Variants in MARK3 observed in about 807,000 individuals in gnomAD.
MARK3 encodes microtubule affinity regulating kinase 3.
MARK3 carries 46 observed loss-of-function variants against 90.1 expected under a neutral mutation model. That is an observed-to-expected ratio of 0.51 (90% CI 0.40 to 0.65). The LOEUF (loss-of-function observed/expected upper bound fraction) is 0.65. MARK3 is among the 30% of genes least tolerant of loss of function. The pLI, the probability that MARK3 is intolerant of heterozygous loss-of-function variation, is 0.00. For missense variants in MARK3, 818 were observed against 947.2 expected (o/e 0.86, Z 1.79); for synonymous variants, 321 against 332.6 (o/e 0.97, Z 0.38).
At chr14:103,479,253 A>T (rs115032457) in intron 13 of MARK3, among the ~76,000 whole-genome samples, 19 of 152,010 alleles carry the variant, frequency 1.2e-4, no homozygotes, top group African/African-American at 4.6e-4. Context: ...GGCTGGTCTC[A>T]AACTCCTAGG....
At chr14:103,426,336 C>T (rs186747039) in intron 2 of MARK3, among the ~76,000 whole-genome samples, 3 of 149,872 alleles carry the variant, frequency 2.0e-5, no homozygotes. Context: ...TTCGTTGATA[C>T]AACCCACATT....
Position 103,503,445 on chromosome 14 carries a change from G to T in MARK3, c.*218G>T. The T allele has an allele frequency of 1.8e-6, 1 of 552,108 alleles. No individual in the cohort carries two copies. The allele number at this position is 552,108 out of a possible 1,614,324, so 34.2% of individuals were successfully genotyped here. On this transcript the variant is annotated 3_prime_UTR_variant, in exon 18 of 18. Coordinates refer to ENST00000429436, the MANE Select transcript of MARK3 (RefSeq NM_001128918.3). ...CCTATGCGCCCCCTGCCCTACTTCC[G>T]TTACCCTGAGAGTCGGTGTGTGGCC...
At chr14:103,450,916 G>A (rs1469817964) in intron 4 of MARK3, among the ~76,000 whole-genome samples, 6 of 58,164 alleles carry the variant, frequency 1.0e-4, no homozygotes, top group Middle Eastern at 0.014. Flanking sequence ...GTGTGTGTGT[G>A]TATTCTTTTT....
chr14:103,503,360 C>T lies in MARK3; in HGVS notation c.*133C>T. On this transcript the variant is annotated 3_prime_UTR_variant, in exon 18 of 18. Transcript: ENST00000429436. ...TGAAATTAAAGTCTGAGGACGAGAGCACGCCTGGGAGCGAAAGCTGGCCTT... is the reference window on the plus strand; with the variant it reads ...TGAAATTAAAGTCTGAGGACGAGAGTACGCCTGGGAGCGAAAGCTGGCCTT... 1.1e-6 allele frequency: 1 copy of T among 870,608 alleles called. No individual in the cohort carries two copies. The highest frequency in any genetic ancestry group is 1.7e-6 in the Non-Finnish European group (1 of 581,528). 53.9% of individuals were successfully genotyped at this position (870,608 alleles called of 1,614,324 possible).
At chr14:103,419,089 C>A (rs1317468496) in intron 2 of MARK3, among the ~76,000 whole-genome samples, 1 of 152,106 alleles carries the variant, frequency 6.6e-6, no homozygotes, top group Non-Finnish European at 1.5e-5. Context: ...GAGATCGAGA[C>A]CATCCTGGCT....
intron 15 of MARK3, among the ~76,000 whole-genome samples, chr14:103,493,155 G>A (rs773036190): frequency 6.8e-5 from 10 of 147,514 alleles, no homozygotes; most frequent in African/African-American, 2.2e-4. Flanking sequence ...ATGTAATCTT[G>A]TATTCGATCA....
chr14:103,454,240 A>G (rs1254477381), intron 5 of MARK3, among the ~76,000 whole-genome samples: 1 of 150,838 alleles, frequency 6.6e-6, no homozygotes, highest in Admixed American at 6.6e-5. Flanking sequence ...GTGGTTCTGT[A>G]TTACCTTGGG....
chr14:103,497,433 T>C (rs528735711), intron 15 of MARK3, among the ~76,000 whole-genome samples: 1 of 152,374 alleles, frequency 6.6e-6, no homozygotes, highest in Non-Finnish European at 1.5e-5. Flanking sequence ...CCAGGGAAGC[T>C]GATCGCATTG....
chr14:103,440,250 G>A (rs1488383830), intron 3 of MARK3, among the ~76,000 whole-genome samples: 1 of 152,062 alleles, frequency 6.6e-6, no homozygotes, highest in Non-Finnish European at 1.5e-5. Context: ...TTTTTGTATT[G>A]CAAACATGAC....
rs774626139 is a variant in MARK3 at position 103,466,048 on chromosome 14, A to G, written c.854A>G (p.Lys285Arg). The G allele has an allele frequency of 3.1e-6, 5 of 1,613,920 alleles. No homozygotes were observed. The African/African-American group carries it at 5.3e-5, about 17-fold the overall frequency. ...YMSTDCENLLKRFLVLNPIKR... is the reference protein window; with the variant it reads ...YMSTDCENLLRRFLVLNPIKR... ...TCTACAGACTGTGAAAACCTTCTCA[A>G]ACGTTTCCTGGTGCTAAATCCAATT... is the stretch of plus-strand genomic sequence containing the variant. The change falls in exon 9 of 18, where the codon AAA becomes AGA. Residue 285 changes from lysine (K) to arginine (R), a missense_variant. Lys to Arg is a conservative substitution (Grantham distance 26). This residue lies in a region of MARK3 where 560 missense variants were observed against 613.5 expected (regional missense o/e 0.91). Transcript: ENST00000429436.
intron 3 of MARK3, among the ~76,000 whole-genome samples, chr14:103,437,246 A>G (rs574240305): frequency 1.3e-5 from 2 of 152,208 alleles, no homozygotes; most frequent in East Asian, 1.9e-4. Flanking sequence ...TGTTTTGGCA[A>G]TAAATAATAC....
At chr14:103,442,942 T>TCC (rs768977846) in intron 3 of MARK3, among the ~76,000 whole-genome samples, 2,599 of 102,344 alleles carry the variant, frequency 0.025, 245 homozygotes, top group African/African-American at 0.079. Context: ...TTGGTGGGTG[T>TCC]CCCCCCCCCT....
chr14:103,501,141 T>C (rs1388392882), intron 17 of MARK3, among the ~76,000 whole-genome samples: 1 of 152,226 alleles, frequency 6.6e-6, no homozygotes, highest in Non-Finnish European at 1.5e-5. Context: ...AATTAAAACC[T>C]TCAGTGACCT....
chr14:103,407,983 C>T (rs538320144), intron 2 of MARK3, among the ~76,000 whole-genome samples: 2 of 152,222 alleles, frequency 1.3e-5, no homozygotes, highest in South Asian at 2.1e-4. Context: ...TTTCCCCAGG[C>T]ATGGGATTCC....
chr14:103,464,801 G>T (rs1483573678), intron 7 of MARK3, among the ~76,000 whole-genome samples: 1 of 149,416 alleles, frequency 6.7e-6, no homozygotes, highest in Non-Finnish European at 1.5e-5. Context: ...GGCTTAAGAG[G>T]TCCTCCTACC....
At chr14:103,443,837 T>A (rs544014820) in intron 3 of MARK3, among the ~76,000 whole-genome samples, 13 of 152,278 alleles carry the variant, frequency 8.5e-5, no homozygotes, top group Non-Finnish European at 1.5e-4. Context: ...CCTCTCTGTC[T>A]TGGTTTGTCT....
At position 103,452,143 on chromosome 14, in the gene MARK3, A is replaced by G. The variant is rs2093162302; in HGVS notation, c.412+160A>G. The stretch of plus-strand genomic sequence containing the variant: ...GGAAAAGCTGACTCTTAGCACTTCT[A>G]GGGGTTGCCATGAAGTGTTTCACTA... On this transcript the variant is annotated intron_variant, in intron 5 of 17. Transcript: ENST00000429436. The G allele has an allele frequency of 1.7e-5, 9 of 535,960 alleles. No individual in the cohort carries two copies. In the South Asian group the frequency reaches 2.2e-4, roughly 13 times the overall value. 33.2% of individuals were successfully genotyped at this position (535,960 alleles called of 1,614,324 possible).
At chr14:103,389,528 C>CAAAAAAAAAAAAAAAAAAAAAA (rs67737305) in intron 1 of MARK3, among the ~76,000 whole-genome samples, 1 of 49,854 alleles carries the variant, frequency 2.0e-5, no homozygotes, top group Non-Finnish European at 3.4e-5. Flanking sequence ...ACTCTGTCTC[C>CAAAAAAAAAAAAAAAAAAAAAA]AAAAAAAAAA....
At chr14:103,483,207 A>G (rs1378231205) in intron 14 of MARK3, among the ~76,000 whole-genome samples, 1 of 151,944 alleles carries the variant, frequency 6.6e-6, no homozygotes, top group Non-Finnish European at 1.5e-5. Flanking sequence ...TTATTTCTTC[A>G]CTAATTTAAA....
Sources: allele counts gnomAD v4.1 joint callset (sites outside exome capture counted in the v4.1 genomes callset), GRCh38; gene constraint gnomAD v4.1.1; regional missense constraint gnomAD v4.1.1; transcripts MANE v1.5; gene names NCBI Gene and HGNC (gene_info 2026-07-23, HGNC 2026-07-21).